The following PPP1R16B variants were observed in gnomAD, a reference collection of about 807,000 sequenced individuals.
PPP1R16B encodes the protein protein phosphatase 1 regulatory subunit 16B.
A neutral mutation model predicts 61.7 loss-of-function variants in PPP1R16B; 14 were observed. The ratio of observed to expected loss-of-function variants is 0.23; its 90% CI spans 0.15 to 0.35. PPP1R16B has a LOEUF of 0.35. Among genes scored for constraint, PPP1R16B ranks in the 10% least tolerant of loss-of-function variants. The pLI is 1.00. For synonymous variants in PPP1R16B, 266 were observed against 305.3 expected (o/e 0.87, Z 1.34); for missense variants, 547 against 752.5 (o/e 0.73, Z 3.19).
At chr20:38,826,759 T>C (rs2084807847) in intron 1 of PPP1R16B, among the ~76,000 whole-genome samples, 1 of 152,142 alleles carries the variant, frequency 6.6e-6, no homozygotes, top group East Asian at 1.9e-4. Context: ...CTCATGGGCC[T>C]TCATGGGGCC....
chr20:38,854,344 AACAGTGAT>A (rs2084989370), intron 2 of PPP1R16B, among the ~76,000 whole-genome samples: 1 of 152,246 alleles, frequency 6.6e-6, no homozygotes, highest in Non-Finnish European at 1.5e-5. Context: ...GCATAGACAC[AACAGTGAT>A]TTATGTGATT....
intron 2 of PPP1R16B, among the ~76,000 whole-genome samples, chr20:38,847,211 T>C (rs1292754723): frequency 2.6e-5 from 4 of 152,198 alleles, no homozygotes; most frequent in African/African-American, 7.2e-5. Context: ...GATGATGACA[T>C]TGAAAACACA....
chr20:38,871,546 G>T (rs1444255300), intron 2 of PPP1R16B, among the ~76,000 whole-genome samples: 1 of 149,196 alleles, frequency 6.7e-6, no homozygotes, highest in Non-Finnish European at 1.5e-5. Context: ...GATTGAGAAG[G>T]AGGAGTGTAG....
chr20:38,870,413 C>A (rs1252775904), intron 2 of PPP1R16B, among the ~76,000 whole-genome samples: 1 of 152,084 alleles, frequency 6.6e-6, no homozygotes, highest in African/African-American at 2.4e-5. Context: ...AAGCAAGGTG[C>A]TTTGATAGGG....
chr20:38,882,018 C>T (rs2145753271), intron 2 of PPP1R16B, among the ~76,000 whole-genome samples: 1 of 152,302 alleles, frequency 6.6e-6, no homozygotes, highest in South Asian at 2.1e-4. Flanking sequence ...TCAGTTTTCC[C>T]ATCTGTAAAC....
At chr20:38,889,481 A>C in intron 2 of PPP1R16B, 114 bp from the exon 3 acceptor site, 1 of 861,520 alleles carries the variant, frequency 1.2e-6, no homozygotes, top group Non-Finnish European at 1.9e-6. Flanking sequence ...TAAAATGGGG[A>C]GTTGTTACTA....
At chr20:38,888,343 C>T (rs563275251) in intron 2 of PPP1R16B, among the ~76,000 whole-genome samples, 2 of 152,326 alleles carry the variant, frequency 1.3e-5, no homozygotes, top group East Asian at 1.9e-4. Flanking sequence ...CCCACACAAG[C>T]CAGCTTGTGT....
At position 38,906,430 on chromosome 20, in the gene PPP1R16B, A is replaced by G. The variant is rs558976479; in HGVS notation, c.822+336A>G. On this transcript the variant is annotated intron_variant, in intron 7 of 10. Coordinates refer to ENST00000299824, the MANE Select transcript of PPP1R16B (RefSeq NM_015568.4). Reference sequence around the variant, plus strand: ...TGCCTCAGCCTCCTGAGTAGCTGGGATTACAGGCATGTGCCACCATGCCCA... The same window carrying G: ...TGCCTCAGCCTCCTGAGTAGCTGGGGTTACAGGCATGTGCCACCATGCCCA... Among the ~76,000 whole-genome samples the G allele has an allele frequency of 4.0e-5, 6 of 151,330 alleles. No homozygotes were observed. The South Asian group carries it at 1.3e-3, about 32-fold the overall frequency.
chr20:38,814,968 A>G (rs748789224), intron 1 of PPP1R16B, among the ~76,000 whole-genome samples: 18 of 152,212 alleles, frequency 1.2e-4, no homozygotes, highest in Non-Finnish European at 2.5e-4. Flanking sequence ...ATAGAGAGGA[A>G]ATGTTGCCTT....
intron 1 of PPP1R16B, among the ~76,000 whole-genome samples, chr20:38,821,801 A>G (rs1285734648): frequency 6.6e-6 from 1 of 151,982 alleles, no homozygotes; most frequent in African/African-American, 2.4e-5. Flanking sequence ...TAACTGCTTT[A>G]ACAATCTTTA....
At chr20:38,889,969 GTGTACGAAGCAC>G (rs1234815925) in intron 3 of PPP1R16B, among the ~76,000 whole-genome samples, 1 of 152,254 alleles carries the variant, frequency 6.6e-6, no homozygotes, top group African/African-American at 2.4e-5. Flanking sequence ...GAGCTTGACA[GTGTACGAAGCAC>G]ATTCACACTT....
chr20:38,909,159 G>C (rs1216058668), intron 10 of PPP1R16B, among the ~76,000 whole-genome samples: 2 of 151,944 alleles, frequency 1.3e-5, no homozygotes, highest in African/African-American at 4.8e-5. Context: ...GGGCCATCAC[G>C]ACTGGCTAAT....
intron 4 of PPP1R16B, among the ~76,000 whole-genome samples, chr20:38,896,275 T>C (rs1041151459): frequency 6.7e-6 from 1 of 148,540 alleles, no homozygotes; most frequent in Non-Finnish European, 1.5e-5. Flanking sequence ...TCTTCTTTCT[T>C]CCCTTCCTCC....
intron 1 of PPP1R16B, among the ~76,000 whole-genome samples, chr20:38,824,480 T>A (rs1231719094): frequency 6.6e-6 from 1 of 152,214 alleles, no homozygotes; most frequent in East Asian, 1.9e-4. Flanking sequence ...AGTTCCTTCT[T>A]CTCCTTCTGC....
At chr20:38,842,170 T>A (rs2084912614) in intron 2 of PPP1R16B, among the ~76,000 whole-genome samples, 1 of 152,156 alleles carries the variant, frequency 6.6e-6, no homozygotes, top group African/African-American at 2.4e-5. Context: ...CCGAAGCCCA[T>A]GTATTTAACC....
chr20:38,810,476 T>C (rs1402202295), intron 1 of PPP1R16B, among the ~76,000 whole-genome samples: 2 of 152,210 alleles, frequency 1.3e-5, no homozygotes, highest in African/African-American at 4.8e-5. Flanking sequence ...CAACTATCCA[T>C]ACATTCACCA....
At chr20:38,852,712 T>C (rs1014577713) in intron 2 of PPP1R16B, among the ~76,000 whole-genome samples, 2 of 150,978 alleles carry the variant, frequency 1.3e-5, no homozygotes, top group Non-Finnish European at 2.9e-5. Flanking sequence ...GCTAGCATGA[T>C]TGATTCTTGC....
intron 1 of PPP1R16B, among the ~76,000 whole-genome samples, chr20:38,816,546 G>T (rs1436099609): frequency 6.6e-6 from 1 of 152,172 alleles, no homozygotes; most frequent in Non-Finnish European, 1.5e-5. Flanking sequence ...ATGTAGAAAG[G>T]GGTATGATCA....
intron 2 of PPP1R16B, among the ~76,000 whole-genome samples, chr20:38,885,246 C>T (rs2085236259): frequency 6.6e-6 from 1 of 151,720 alleles, no homozygotes; most frequent in Non-Finnish European, 1.5e-5. Flanking sequence ...CAGAATGGAG[C>T]CACGAGAAGG....
Sources: gnomAD v4.1 joint callset for allele counts (sites outside exome capture counted in the v4.1 genomes callset) on GRCh38, gnomAD v4.1.1 for gene constraint, MANE v1.5 for transcripts, NCBI Gene and HGNC (gene_info 2026-07-23, HGNC 2026-07-21) for gene names.